The following MAF variants were observed in gnomAD, a reference collection of about 807,000 sequenced individuals.
MAF encodes the protein transcription factor Maf.
Under a neutral mutation model 22.0 loss-of-function variants are expected in MAF, and 10 were observed. The ratio of observed to expected loss-of-function variants is 0.45; its 90% CI spans 0.28 to 0.77. The LOEUF (loss-of-function observed/expected upper bound fraction) is 0.77. MAF is among the 30% of genes least tolerant of loss of function. The probability of loss-of-function intolerance (pLI) is 0.12; values close to 1 mark genes in which losing one functional copy is unlikely to be tolerated. For missense variants in MAF, 544 were observed against 548.4 expected, an observed-to-expected ratio of 0.99 and a Z score of 0.08; for synonymous variants, 337 against 255.8, an observed-to-expected ratio of 1.32 and a Z score of -3.03.
the MAF span, among the ~76,000 whole-genome samples, chr16:79,345,304 C>A: frequency 5.4e-3 from 824 of 152,308 alleles, 6 homozygotes; most frequent in African/African-American, 0.018. Context: ...TGCTCAAAAT[C>A]AATTTTGTTT....
chr16:79,263,445 G>C, the MAF span, among the ~76,000 whole-genome samples: 1 of 152,196 alleles, frequency 6.6e-6, no homozygotes, highest in African/African-American at 2.4e-5. Context: ...AAATCCAAGA[G>C]TATTTGTAAT....
the MAF span, among the ~76,000 whole-genome samples, chr16:79,502,842 G>A: frequency 1.3e-5 from 2 of 148,888 alleles, no homozygotes; most frequent in Non-Finnish European, 1.5e-5. Flanking sequence ...TCTGTAGGGT[G>A]ATGGAAATAT....
chr16:79,240,487 GAAAAAAAAAAAAAAAAAAAAAA>G, the MAF span, among the ~76,000 whole-genome samples: 82 of 60,736 alleles, frequency 1.4e-3, no homozygotes, highest in East Asian at 4.2e-3. Context: ...AGCATCTCTG[GAAAAAAAAAAAAAAAAAAAAAA>G]AAAAAAAAAA....
At chr16:79,570,655 G>A in the MAF span, among the ~76,000 whole-genome samples, 1 of 152,192 alleles carries the variant, frequency 6.6e-6, no homozygotes, top group East Asian at 1.9e-4. Flanking sequence ...TCAGGATAAG[G>A]AAACGGGCTC....
the MAF span, among the ~76,000 whole-genome samples, chr16:79,390,692 C>T: frequency 1.3e-5 from 2 of 152,222 alleles, no homozygotes; most frequent in African/African-American, 4.8e-5. Flanking sequence ...GGCACAGGAA[C>T]TGGGAACCAG....
the MAF span, among the ~76,000 whole-genome samples, chr16:79,508,954 G>A: frequency 6.6e-6 from 1 of 152,164 alleles, no homozygotes; most frequent in Non-Finnish European, 1.5e-5. Flanking sequence ...TGTCTGCCTG[G>A]CACTGAAAGT....
the MAF span, chr16:79,205,409 A>G: frequency 3.9e-5 from 6 of 152,028 alleles, no homozygotes; most frequent in African/African-American, 1.4e-4. Flanking sequence ...GCAAAGAAAT[A>G]TTTTTCCTTG....
the MAF span, among the ~76,000 whole-genome samples, chr16:79,539,885 G>A: frequency 6.6e-6 from 1 of 152,130 alleles, no homozygotes; most frequent in Non-Finnish European, 1.5e-5. Context: ...GGTAAAAATG[G>A]TGATTTTTTT....
chr16:79,209,389 G>A, the MAF span, among the ~76,000 whole-genome samples: 2 of 152,202 alleles, frequency 1.3e-5, no homozygotes, highest in Non-Finnish European at 2.9e-5. Flanking sequence ...ATCAGGTTAG[G>A]AAGAATTCTG....
the MAF span, among the ~76,000 whole-genome samples, chr16:79,514,434 T>A: frequency 6.6e-6 from 1 of 152,182 alleles, no homozygotes; most frequent in African/African-American, 2.4e-5. Context: ...ACAGAATGGG[T>A]GCAAATATAG....
chr16:79,472,987 G>C, the MAF span, among the ~76,000 whole-genome samples: 4 of 152,090 alleles, frequency 2.6e-5, no homozygotes, highest in Admixed American at 2.6e-4. Flanking sequence ...CTGTCCTATG[G>C]AGCTTACATT....
At chr16:79,220,530 A>G in the MAF span, among the ~76,000 whole-genome samples, 3 of 152,190 alleles carry the variant, frequency 2.0e-5, no homozygotes, top group Admixed American at 2.0e-4. Flanking sequence ...TCCTGTATCT[A>G]GCGAACAGAT....
the MAF span, among the ~76,000 whole-genome samples, chr16:79,393,231 C>T: frequency 6.6e-6 from 1 of 152,198 alleles, no homozygotes; most frequent in South Asian, 2.1e-4. Context: ...CAAACAAAGG[C>T]TTCCACAATT....
intron 1 of MAF, among the ~76,000 whole-genome samples, chr16:79,587,875 G>T (rs867720835): frequency 6.7e-6 from 1 of 149,532 alleles, no homozygotes; most frequent in Non-Finnish European, 1.5e-5. Flanking sequence ...CAAAAGGGGG[G>T]GGGGGGTAGA....
At chr16:79,467,530 G>T in the MAF span, among the ~76,000 whole-genome samples, 4 of 152,216 alleles carry the variant, frequency 2.6e-5, no homozygotes, top group African/African-American at 9.6e-5. Context: ...CATACAGTGT[G>T]TAAGTAGGAT....
chr16:79,395,492 C>G, the MAF span, among the ~76,000 whole-genome samples: 12 of 152,096 alleles, frequency 7.9e-5, no homozygotes, highest in Non-Finnish European at 4.4e-5. Flanking sequence ...GGGTCCTAAT[C>G]TCAACACAGA....
chr16:79,275,773 C>T, the MAF span, among the ~76,000 whole-genome samples: 2 of 152,250 alleles, frequency 1.3e-5, no homozygotes, highest in African/African-American at 4.8e-5. Flanking sequence ...AGAGGAGAAC[C>T]ATAGTGAAGT....
At chr16:79,363,914 G>C in the MAF span, among the ~76,000 whole-genome samples, 13 of 152,176 alleles carry the variant, frequency 8.5e-5, 1 homozygote, top group Admixed American at 7.2e-4. Context: ...AAGGGTAGTT[G>C]AGTTGGAGGG....
chr16:79,248,226 G>C, the MAF span, among the ~76,000 whole-genome samples: 1 of 151,406 alleles, frequency 6.6e-6, no homozygotes, highest in African/African-American at 2.4e-5. Flanking sequence ...TATACATAAA[G>C]AGTTAAGAGA....
Sources: gnomAD v4.1 joint callset for allele counts (sites outside exome capture counted in the v4.1 genomes callset) on GRCh38, gnomAD v4.1.1 for gene constraint, MANE v1.5 for transcripts, NCBI Gene and HGNC (gene_info 2026-07-23, HGNC 2026-07-21) for gene names.